The following SH3BGRL2 variants were observed in gnomAD, a reference collection of about 807,000 sequenced individuals.
The protein encoded by SH3BGRL2 is SH3 domain binding glutamate rich protein like 2.
Under a neutral mutation model 14.8 loss-of-function variants are expected in SH3BGRL2, and 21 were observed. That is an observed-to-expected ratio of 1.42 (90% CI 1.01 to 2.05). The LOEUF (loss-of-function observed/expected upper bound fraction) is 2.05. Ranked by LOEUF, SH3BGRL2 falls within the 30% of genes most tolerant of loss-of-function variation. The pLI is 0.00. For synonymous variants in SH3BGRL2, 50 were observed against 47.8 expected (o/e 1.05, Z -0.19); for missense variants, 147 against 130.8 (o/e 1.12, Z -0.61).
At chr6:79,646,521 G>C (rs796754197) in intron 1 of SH3BGRL2, among the ~76,000 whole-genome samples, 4 of 152,168 alleles carry the variant, frequency 2.6e-5, no homozygotes, top group Admixed American at 1.3e-4. Flanking sequence ...GTTTTTTGTT[G>C]TGTTGTTGCT....
chr6:79,577,804 G>A, the SH3BGRL2 span, among the ~76,000 whole-genome samples: 8 of 152,212 alleles, frequency 5.3e-5, no homozygotes, highest in Admixed American at 3.9e-4. Flanking sequence ...AGGGTGAGCC[G>A]AAGCAGGGCG....
At chr6:79,687,000 C>A (rs369373523) in intron 2 of SH3BGRL2, among the ~76,000 whole-genome samples, 1 of 152,290 alleles carries the variant, frequency 6.6e-6, no homozygotes, top group East Asian at 1.9e-4. Flanking sequence ...ACTGTGCTGG[C>A]CTCTCAGGCC....
chr6:79,565,752 A>G, the SH3BGRL2 span, among the ~76,000 whole-genome samples: 1 of 152,238 alleles, frequency 6.6e-6, no homozygotes, highest in African/African-American at 2.4e-5. Flanking sequence ...ATAGTCACCA[A>G]TTGAGGGAGA....
chr6:79,687,796 T>C (rs148090627), intron 2 of SH3BGRL2, among the ~76,000 whole-genome samples: 189 of 152,346 alleles, frequency 1.2e-3, no homozygotes, highest in African/African-American at 4.1e-3. Context: ...CTTGGGCTCA[T>C]TTAGAACTGG....
intron 3 of SH3BGRL2, among the ~76,000 whole-genome samples, chr6:79,697,557 C>T (rs1382687644): frequency 1.3e-5 from 2 of 152,122 alleles, no homozygotes; most frequent in South Asian, 2.1e-4. Flanking sequence ...AATTATAGAC[C>T]AGCATCTGCA....
At chr6:79,698,193 T>A (rs1421104012) in intron 3 of SH3BGRL2, among the ~76,000 whole-genome samples, 1 of 152,194 alleles carries the variant, frequency 6.6e-6, no homozygotes, top group East Asian at 1.9e-4. Flanking sequence ...CCAGAGCAGA[T>A]GTCCATAGCA....
intron 1 of SH3BGRL2, among the ~76,000 whole-genome samples, chr6:79,671,373 C>T (rs1376296674): frequency 2.6e-5 from 4 of 152,044 alleles, no homozygotes; most frequent in African/African-American, 9.7e-5. Flanking sequence ...CACTTGAACC[C>T]GGGAGGCGGA....
intron 2 of SH3BGRL2, among the ~76,000 whole-genome samples, chr6:79,682,802 A>G (rs1770013181): frequency 6.6e-6 from 1 of 152,268 alleles, no homozygotes; most frequent in Non-Finnish European, 1.5e-5. Context: ...ACTTCAACCC[A>G]AATGTCCATC....
At chr6:79,678,682 G>A (rs986788769) in intron 2 of SH3BGRL2, among the ~76,000 whole-genome samples, 2 of 152,236 alleles carry the variant, frequency 1.3e-5, no homozygotes, top group East Asian at 1.9e-4. Context: ...TAGATACAGG[G>A]AGTACATGTG....
chr6:79,557,772 A>C, the SH3BGRL2 span, among the ~76,000 whole-genome samples: 1 of 152,186 alleles, frequency 6.6e-6, no homozygotes, highest in African/African-American at 2.4e-5. Flanking sequence ...TTCTAAGTAA[A>C]TTTTAATATT....
the SH3BGRL2 span, among the ~76,000 whole-genome samples, chr6:79,614,109 G>A: frequency 3.9e-5 from 6 of 151,902 alleles, no homozygotes; most frequent in East Asian, 1.9e-4. Flanking sequence ...GAGGAGGAGC[G>A]CCCCCGCTGT....
At chr6:79,601,161 G>C in the SH3BGRL2 span, among the ~76,000 whole-genome samples, 5 of 152,202 alleles carry the variant, frequency 3.3e-5, no homozygotes, top group African/African-American at 1.2e-4. Flanking sequence ...AAAAAGGCAA[G>C]AGGCAACGCT....
At chr6:79,596,027 A>G in the SH3BGRL2 span, among the ~76,000 whole-genome samples, 1 of 152,260 alleles carries the variant, frequency 6.6e-6, no homozygotes, top group African/African-American at 2.4e-5. Flanking sequence ...ATAGATAGTA[A>G]CAATAAACAA....
intron 3 of SH3BGRL2, among the ~76,000 whole-genome samples, chr6:79,697,802 G>C (rs1770363333): frequency 6.6e-6 from 1 of 152,128 alleles, no homozygotes; most frequent in African/African-American, 2.4e-5. Context: ...TATCTTCAAA[G>C]AACTGGAAAA....
the SH3BGRL2 span, among the ~76,000 whole-genome samples, chr6:79,612,721 C>T: frequency 6.6e-6 from 1 of 152,294 alleles, no homozygotes; most frequent in South Asian, 2.1e-4. Flanking sequence ...TTCCTGAGCT[C>T]ACATCAACTG....
the SH3BGRL2 span, among the ~76,000 whole-genome samples, chr6:79,577,505 C>A: frequency 6.6e-6 from 1 of 151,954 alleles, no homozygotes; most frequent in African/African-American, 2.4e-5. Context: ...AATAAAATTT[C>A]CAAGGAAATC....
chr6:79,643,652 G>A (rs981183955), intron 1 of SH3BGRL2, among the ~76,000 whole-genome samples: 1 of 152,150 alleles, frequency 6.6e-6, no homozygotes, highest in African/African-American at 2.4e-5. Flanking sequence ...AAGTAACTTG[G>A]TATAGTAGCT....
At chr6:79,590,461 A>ATG in the SH3BGRL2 span, among the ~76,000 whole-genome samples, 1 of 135,808 alleles carries the variant, frequency 7.4e-6, no homozygotes, top group African/African-American at 2.7e-5. Context: ...ATATATATAT[A>ATG]TATGCGCCAT....
intron 1 of SH3BGRL2, among the ~76,000 whole-genome samples, chr6:79,652,704 G>A (rs1197485245): frequency 6.6e-6 from 1 of 152,008 alleles, no homozygotes; most frequent in Non-Finnish European, 1.5e-5. Flanking sequence ...CAGTAAGGAG[G>A]GGGGACCCAG....
Sources: gnomAD v4.1 joint callset for allele counts (sites outside exome capture counted in the v4.1 genomes callset) on GRCh38, gnomAD v4.1.1 for gene constraint, MANE v1.5 for transcripts, NCBI Gene and HGNC (gene_info 2026-07-23, HGNC 2026-07-21) for gene names.